Variants in CHAMP1 observed in about 807,000 individuals in gnomAD.
CHAMP1 encodes chromosome alignment-maintaining phosphoprotein 1.
CHAMP1 carries 4 observed loss-of-function variants against 54.5 expected under a neutral mutation model. The ratio of observed to expected loss-of-function variants is 0.07; its 90% confidence interval spans 0.04 to 0.17. The LOEUF (loss-of-function observed/expected upper bound fraction) is 0.17, where lower values mean the gene tolerates loss of function less well. Among genes scored for constraint, CHAMP1 ranks in the 10% least tolerant of loss-of-function variants. The pLI is 1.00. For missense variants in CHAMP1, 994 were observed against 968.6 expected, an observed-to-expected ratio of 1.03 and a Z score of -0.35; for synonymous variants, 368 against 342.2, an observed-to-expected ratio of 1.08 and a Z score of -0.83.
At chr13:114,323,751 C>G (rs373122314) in intron 2 of CHAMP1, 37 bp from the exon 3 acceptor site, 7 of 1,459,158 alleles carry the variant, frequency 4.8e-6, no homozygotes, top group African/African-American at 1.4e-5. Flanking sequence ...TTCAGAATTA[C>G]AGTTCATGAA....
At chr13:114,322,950 A>G (rs1347391108) in intron 2 of CHAMP1, 1 of 152,186 alleles carries the variant, frequency 6.6e-6, no homozygotes, top group Admixed American at 6.5e-5. Flanking sequence ...ACTGGTTTAC[A>G]ATTTTTTTAA....
rs1594133892 is a variant in CHAMP1, at chr13:114,327,108, G to T, written c.*827G>T. 1 of 165,422 alleles carries T rather than the reference G, an allele frequency of 6.0e-6. No homozygotes were observed. Among genetic ancestry groups the T allele is most frequent in the African/African-American group, 2.4e-5 (1 of 40,868 alleles). The allele number at this position is 165,422 out of a possible 1,614,324, so 10.2% of individuals were successfully genotyped here. A position where few individuals can be genotyped will look rare whatever the true frequency, so the allele number is the denominator to read the frequency against. On this transcript the variant is annotated 3_prime_UTR_variant, in exon 3 of 3. Coordinates refer to ENST00000361283, the MANE Select transcript of CHAMP1 (RefSeq NM_032436.4). ...TACTCCTGGGCCTTACATGTCGCCT[G>T]TTGGGGCTTAAGACCAGGTTGATAA...
rs1566793930 is a variant in CHAMP1 at position 114,326,987 on chromosome 13, G to A, written c.*706G>A. 6.0e-6 allele frequency: 1 copy of A among 166,180 alleles called. No individual in the cohort carries two copies. Among genetic ancestry groups the A allele is most frequent in the Non-Finnish European group, 1.5e-5 (1 of 68,044 alleles). 10.3% of individuals were successfully genotyped at this position (166,180 alleles called of 1,614,324 possible). ...ATTCTGTATCTTACCCTAAGATCTG[G>A]TTCTTCCCTCCCCATCCCCACCCCC... On this transcript the variant is annotated 3_prime_UTR_variant, in exon 3 of 3. Transcript: ENST00000361283.
In CHAMP1 at chr13:114,326,880, G is replaced by C. The variant is rs1340568990; in HGVS notation, c.*599G>C. The C allele has an allele frequency of 6.0e-6, 1 of 166,862 alleles. No individual in the cohort carries two copies. The highest frequency in any genetic ancestry group is 1.5e-5 in the Non-Finnish European group (1 of 68,108). 10.3% of individuals were successfully genotyped at this position (166,862 alleles called of 1,614,324 possible). A position where few individuals can be genotyped will look rare whatever the true frequency, so the allele number is the denominator to read the frequency against. On this transcript the variant is annotated 3_prime_UTR_variant, in exon 3 of 3. Coordinates refer to ENST00000361283, the MANE Select transcript of CHAMP1 (RefSeq NM_032436.4). ...GACTAAGTCTTTAAAATAGTTTGCA[G>C]CCTTCTCCCACAGGAGACAAGTGAA...
intron 1 of CHAMP1, 60 bp from the exon 2 acceptor site, chr13:114,321,050 G>A (rs1286409361): frequency 1.3e-5 from 2 of 150,640 alleles, no homozygotes; most frequent in African/African-American, 4.9e-5. Context: ...ATTACAGGGG[G>A]CACACACGAT....
intron 2 of CHAMP1, chr13:114,323,559 T>C (rs1476154581): frequency 9.1e-6 from 3 of 328,888 alleles, no homozygotes; most frequent in Non-Finnish European, 1.6e-5. Flanking sequence ...TAAGTGAAAA[T>C]AATAGTTGAG....
In CHAMP1 at chr13:114,325,466, T is replaced by C; in HGVS notation, c.1624T>C (p.Ser542Pro). 1 of 1,614,008 alleles carries C rather than the reference T, an allele frequency of 6.2e-7. No individual in the cohort carries two copies. The highest frequency in any genetic ancestry group is 8.5e-7 in the Non-Finnish European group (1 of 1,180,014). The change falls in exon 3 of 3, where the codon TCT becomes CCT. Residue 542 changes from serine to proline, a missense_variant. Transcript: ENST00000361283. ...GCCTGCCAAAACAGCCCCTCCTGCT[T>C]CTCCAGAAGCACGCAAACGTGCCCT... The part of the protein sequence containing the change: ...PEPAKTAPPA[S>P]PEARKRALFP...
Position 114,324,187 on chromosome 13 carries a change from G to A in CHAMP1, c.345G>A (p.Gln115=), listed in dbSNP as rs201497347. 7.4e-6 allele frequency: 12 copies of A among 1,614,100 alleles called. No homozygotes were observed. The highest frequency in any genetic ancestry group is 1.7e-5 in the Admixed American group (1 of 60,012). Residue 115 remains glutamine, a synonymous_variant, in exon 3 of 3, where the codon CAG becomes CAA. Coordinates refer to ENST00000361283, the MANE Select transcript of CHAMP1 (RefSeq NM_032436.4). ...PVKSPPLPEH[Q]KIPCNSAEPK... ...AAAGCCCTCCTCTTCCTGAACACCAGAAAATACCCTGCAATTCAGCAGAAC... is the reference window on the plus strand; with the variant it reads ...AAAGCCCTCCTCTTCCTGAACACCAAAAAATACCCTGCAATTCAGCAGAAC...
At chr13:114,316,000 C>G (rs1038095560) in intron 1 of CHAMP1, among the ~76,000 whole-genome samples, 2 of 151,682 alleles carry the variant, frequency 1.3e-5, no homozygotes, top group Non-Finnish European at 2.9e-5. Flanking sequence ...CCACACCTGG[C>G]TAATTTTGTA....
intron 1 of CHAMP1, among the ~76,000 whole-genome samples, chr13:114,315,380 A>T (rs2087083888): frequency 6.6e-6 from 1 of 152,200 alleles, no homozygotes; most frequent in Non-Finnish European, 1.5e-5. Flanking sequence ...TTCTAGGTTT[A>T]TACCCCCAAA....
chr13:114,324,112 A>G lies in CHAMP1; in HGVS notation c.270A>G (p.Lys90=), dbSNP rs1555379359. The change falls in exon 3 of 3, where the codon AAA becomes AAG. Residue 90 remains lysine, a synonymous_variant. Transcript: ENST00000361283. The stretch of plus-strand genomic sequence containing the variant: ...CATCCAAACATGCATCCCCAGACAA[A>G]TGGAATGATAAACCAAAAAATCAGT... ...HITSKHASPD[K]WNDKPKNQLN... 6.2e-7 allele frequency: 1 copy of G among 1,614,200 alleles called. No homozygotes were observed.
chr13:114,323,655 A>G (rs944959675), intron 2 of CHAMP1, 133 bp from the exon 3 acceptor site: 1 of 694,632 alleles, frequency 1.4e-6, no homozygotes, highest in African/African-American at 1.8e-5. Context: ...TTTTCTTCAA[A>G]TTCTCCCTAG....
intron 2 of CHAMP1, chr13:114,323,127 T>G (rs1555379248): frequency 2.6e-5 from 4 of 152,144 alleles, no homozygotes; most frequent in Non-Finnish European, 1.5e-5. Context: ...TTCCAACTCA[T>G]GAACGCCATA....
At chr13:114,322,578 A>G (rs1555379222) in intron 2 of CHAMP1, 4 of 152,224 alleles carry the variant, frequency 2.6e-5, no homozygotes, top group African/African-American at 9.6e-5. Context: ...TTATGCAGTA[A>G]TAGAAGTTTT....
At chr13:114,322,632 A>G (rs558867685) in intron 2 of CHAMP1, 2 of 152,364 alleles carry the variant, frequency 1.3e-5, no homozygotes, top group African/African-American at 4.8e-5. Flanking sequence ...CAAATGGCCA[A>G]GTAATCCATT....
rs782009302 is a variant in CHAMP1, at chr13:114,325,479, G to A, written c.1637G>A (p.Arg546His). The change falls in exon 3 of 3, where the codon CGC becomes CAC. Residue 546 changes from arginine (R) to histidine (H), a missense_variant. Transcript: ENST00000361283. The part of the protein sequence containing the change: ...KTAPPASPEA[R>H]KRALFPEPRK... The stretch of plus-strand genomic sequence containing the variant: ...GCCCCTCCTGCTTCTCCAGAAGCAC[G>A]CAAACGTGCCCTTTTTCCAGAGCCC... 3.1e-6 allele frequency: 5 copies of A among 1,614,058 alleles called. No homozygotes were observed. Among genetic ancestry groups the A allele is most frequent in the Admixed American group, 1.7e-5 (1 of 60,004 alleles).
intron 1 of CHAMP1, among the ~76,000 whole-genome samples, chr13:114,317,121 G>A (rs1161215084): frequency 6.6e-6 from 1 of 152,026 alleles, no homozygotes; most frequent in African/African-American, 2.4e-5. Flanking sequence ...GGGTTCAAGC[G>A]ATTCTCCTGC....
rs781798145 is a variant in CHAMP1 at position 114,324,717 on chromosome 13, C to T, written c.875C>T (p.Pro292Leu). 32 of 1,613,606 alleles carry T rather than the reference C, an allele frequency of 2.0e-5. No homozygotes were observed. Among genetic ancestry groups the T allele is most frequent in the African/African-American group, 5.3e-5 (4 of 74,892 alleles). ...TCAGAGTCTCCTGAACCTTGGAAGC[C>T]GTTCCCTGCTGTCTCCCCAGAGCCT... ...SPSESPEPWK[P>L]FPAVSPEPRR... The change falls in exon 3 of 3, where the codon CCG becomes CTG. Residue 292 changes from proline to leucine, a missense_variant. Coordinates refer to ENST00000361283, the MANE Select transcript of CHAMP1 (RefSeq NM_032436.4).
rs370703699 is a variant in CHAMP1, at chr13:114,325,043, G to C, written c.1201G>C (p.Ala401Pro). 70 of 1,613,992 alleles carry C rather than the reference G, an allele frequency of 4.3e-5. No individual in the cohort carries two copies. The highest frequency in any genetic ancestry group is 3.3e-4 in the Middle Eastern group (2 of 6,084). The change falls in exon 3 of 3, where the codon GCT (alanine) becomes CCT (proline). Residue 401 changes from alanine (A) to proline (P), a missense_variant. Ala to Pro is a conservative substitution (Grantham distance 27). This residue lies in a region of CHAMP1 where 851 missense variants were observed against 701.3 expected (regional missense o/e 1.21). Coordinates refer to ENST00000361283, the MANE Select transcript of CHAMP1 (RefSeq NM_032436.4). ...KSGPPELRKT[A>P]PTLSPEHWKA... The stretch of plus-strand genomic sequence containing the variant: ...TGGCCCACCAGAACTCCGAAAGACA[G>C]CTCCCACGTTGTCTCCTGAACATTG...
Sources: gnomAD v4.1 joint callset for allele counts (sites outside exome capture counted in the v4.1 genomes callset) on GRCh38, gnomAD v4.1.1 for gene constraint, gnomAD v4.1.1 regional missense constraint, MANE v1.5 for transcripts, NCBI Gene and HGNC (gene_info 2026-07-23, HGNC 2026-07-21) for gene names.